PSD3: variants seen among roughly 807,000 people sequenced by gnomAD.
The protein encoded by PSD3 is pleckstrin and Sec7 domain containing 3.
A neutral mutation model predicts 105.5 loss-of-function variants in PSD3; 49 were observed. The ratio of observed to expected loss-of-function variants is 0.46; its 90% CI spans 0.37 to 0.59. PSD3 has a LOEUF of 0.59. Ranked by LOEUF, PSD3 falls within the 20% of genes least tolerant of loss-of-function variation. PSD3 has a pLI of 0.00. For missense variants in PSD3, 1,561 were observed against 1,263.8 expected, an observed-to-expected ratio of 1.24 and a Z score of -3.57; for synonymous variants, 557 against 457.8, an observed-to-expected ratio of 1.22 and a Z score of -2.77.
At chr8:18,908,083 T>C (rs954558818) in intron 2 of PSD3, among the ~76,000 whole-genome samples, 1 of 152,174 alleles carries the variant, frequency 6.6e-6, no homozygotes, top group African/African-American at 2.4e-5. Flanking sequence ...TAAATTAATA[T>C]AGAATTTCAA....
intron 4 of PSD3, among the ~76,000 whole-genome samples, chr8:18,819,094 A>G (rs936566857): frequency 6.6e-6 from 1 of 152,162 alleles, no homozygotes; most frequent in Non-Finnish European, 1.5e-5. Context: ...ACGACTGTTC[A>G]TATCAAAACA....
chr8:19,076,806 T>C (rs1198599687), intron 1 of PSD3, among the ~76,000 whole-genome samples: 1 of 152,172 alleles, frequency 6.6e-6, no homozygotes, highest in East Asian at 1.9e-4. Context: ...CTCCTCACCC[T>C]TCTCACAATT....
chr8:18,908,655 C>G (rs1819999889), intron 2 of PSD3, among the ~76,000 whole-genome samples: 1 of 152,162 alleles, frequency 6.6e-6, no homozygotes, highest in Admixed American at 6.5e-5. Context: ...CAGCATGAAA[C>G]AAGTCATCTG....
chr8:18,852,618 G>GC (rs2129452773), intron 4 of PSD3, among the ~76,000 whole-genome samples: 1 of 152,216 alleles, frequency 6.6e-6, no homozygotes, highest in East Asian at 1.9e-4. Flanking sequence ...TCCTCTCCCA[G>GC]CCCCCGTTGC....
chr8:19,067,803 T>C (rs918102446), intron 1 of PSD3, among the ~76,000 whole-genome samples: 2 of 152,216 alleles, frequency 1.3e-5, no homozygotes, highest in African/African-American at 4.8e-5. Flanking sequence ...GGGTGACTAC[T>C]GGGCTTATCA....
At chr8:18,780,904 T>C (rs982892833) in intron 8 of PSD3, among the ~76,000 whole-genome samples, 8 of 152,230 alleles carry the variant, frequency 5.3e-5, no homozygotes, top group African/African-American at 1.7e-4. Context: ...TTGTCCTTTA[T>C]CTTCTAAATG....
At chr8:18,889,690 T>C (rs550919182) in intron 2 of PSD3, among the ~76,000 whole-genome samples, 2 of 152,340 alleles carry the variant, frequency 1.3e-5, no homozygotes, top group Admixed American at 6.5e-5. Flanking sequence ...TGCAATGTAC[T>C]GAGCCTCCTG....
intron 1 of PSD3, among the ~76,000 whole-genome samples, chr8:19,074,611 A>ATATATATATATATATTTT (rs1324257417): frequency 1.7e-4 from 4 of 24,216 alleles, no homozygotes; most frequent in Admixed American, 6.8e-4. Flanking sequence ...ATATATATAT[A>ATATATATATATATATTTT]TTTTTTTTTT....
intron 8 of PSD3, among the ~76,000 whole-genome samples, chr8:18,765,916 G>T (rs532550061): frequency 2.0e-5 from 3 of 149,988 alleles, no homozygotes; most frequent in Non-Finnish European, 4.4e-5. Context: ...TGCAGCGAGC[G>T]GAGATGGTGC....
chr8:19,065,103 G>C (rs931104384), intron 1 of PSD3, among the ~76,000 whole-genome samples: 2 of 152,202 alleles, frequency 1.3e-5, no homozygotes, highest in African/African-American at 4.8e-5. Context: ...AGTCCCCTCT[G>C]TTTTAACCCT....
At chr8:18,878,248 G>A (rs1320711557) in intron 2 of PSD3, among the ~76,000 whole-genome samples, 1 of 151,952 alleles carries the variant, frequency 6.6e-6, no homozygotes, top group Non-Finnish European at 1.5e-5. Flanking sequence ...CAGTAGCCAT[G>A]CATAGAAATT....
intron 1 of PSD3, among the ~76,000 whole-genome samples, chr8:19,047,108 G>A (rs1015628966): frequency 1.3e-5 from 2 of 152,190 alleles, no homozygotes; most frequent in African/African-American, 2.4e-5. Flanking sequence ...GCTACACAGG[G>A]ACATAAATCT....
In PSD3 at chr8:18,572,562, G is replaced by A. The variant is rs780865200; in HGVS notation, c.2750C>T (p.Pro917Leu). ...AIGSQKKFSRPLLPATTTKLS... is the reference protein window; with the variant it reads ...AIGSQKKFSRLLLPATTTKLS... ...TTTTGTTGTAGTGGCAGGCAGAAGT[G>A]GGCGGCTAAACTTCTTCTGAGAGCC... The change falls in exon 14 of 16, where the codon CCA (proline) becomes CTA (leucine). Residue 917 changes from proline (P) to leucine (L), a missense_variant. Transcript: ENST00000327040. 1.9e-6 allele frequency: 3 copies of A among 1,614,006 alleles called. No individual in the cohort carries two copies. In the South Asian group the frequency reaches 3.3e-5, roughly 18 times the overall value.
At chr8:18,544,171 C>CAAAAAAAAAAAAAAAAAAAAAAAAACAAA (rs1800310691) in intron 15 of PSD3, among the ~76,000 whole-genome samples, 1 of 106,692 alleles carries the variant, frequency 9.4e-6, no homozygotes, top group African/African-American at 4.9e-5. Flanking sequence ...AGAAACAAAC[C>CAAAAAAAAAAAAAAAAAAAAAAAAACAAA]AAAAAAAAAA....
intron 1 of PSD3, among the ~76,000 whole-genome samples, chr8:19,055,262 C>G (rs1157643051): frequency 6.6e-6 from 1 of 151,302 alleles, no homozygotes; most frequent in African/African-American, 2.4e-5. Context: ...TTTATAGACT[C>G]TTTTTTTTTG....
intron 2 of PSD3, among the ~76,000 whole-genome samples, chr8:18,905,749 G>A (rs1369093848): frequency 6.6e-6 from 1 of 151,962 alleles, no homozygotes; most frequent in African/African-American, 2.4e-5. Context: ...ACCTATCATA[G>A]TATTCTGAAG....
In PSD3 at chr8:18,965,907, G is replaced by A. The variant is rs565896167; in HGVS notation, c.22-29765C>T. 9.8e-5 allele frequency among the ~76,000 whole-genome samples: 15 copies of A among 152,314 alleles called. No individual in the cohort carries two copies. In the East Asian group the frequency reaches 2.1e-3, roughly 22 times the overall value. On this transcript the variant is annotated intron_variant, in intron 1 of 15. Transcript: ENST00000327040. ...TTAAGCTCCTGGTAATATAACACCC[G>A]GGGTTTGGGCTTTTCCGTGCCCATT...
intron 1 of PSD3, among the ~76,000 whole-genome samples, chr8:19,044,722 AG>A (rs1828251773): frequency 6.6e-6 from 1 of 152,214 alleles, no homozygotes; most frequent in African/African-American, 2.4e-5. Context: ...TGAGATTGAA[AG>A]AACTATGGAA....
intron 12 of PSD3, among the ~76,000 whole-genome samples, chr8:18,587,350 T>G (rs1007772703): frequency 7.9e-5 from 12 of 152,188 alleles, no homozygotes; most frequent in African/African-American, 2.7e-4. Context: ...AGTTCTTTCG[T>G]AAATGGGACA....
Sources: allele counts gnomAD v4.1 joint callset (sites outside exome capture counted in the v4.1 genomes callset), GRCh38; gene constraint gnomAD v4.1.1; transcripts MANE v1.5; gene names NCBI Gene and HGNC (gene_info 2026-07-23, HGNC 2026-07-21).